ZBTB7C: variants seen among roughly 807,000 people sequenced by gnomAD.
ZBTB7C encodes the protein zinc finger and BTB domain containing 7C.
ZBTB7C carries 8 observed loss-of-function variants against 25.7 expected under a neutral mutation model. The ratio of observed to expected loss-of-function variants is 0.31; its 90% CI spans 0.18 to 0.56. ZBTB7C has a LOEUF of 0.56. ZBTB7C is among the 20% of genes least tolerant of loss of function. ZBTB7C has a pLI of 0.91. For missense variants in ZBTB7C, 824 were observed against 855.2 expected (o/e 0.96, Z 0.46); for synonymous variants, 394 against 369.0 (o/e 1.07, Z -0.78).
intron 3 of ZBTB7C, 45 bp from the exon 4 acceptor site, chr18:48,041,168 C>G: frequency 6.5e-7 from 1 of 1,529,382 alleles, no homozygotes; most frequent in East Asian, 2.3e-5. Context: ...TGAGCGTGGC[C>G]CCAGGAGGGG....
intron 2 of ZBTB7C, among the ~76,000 whole-genome samples, chr18:48,194,163 T>C (rs11082661): frequency 0.31 from 47,170 of 152,122 alleles, 7,531 homozygotes; most frequent in East Asian, 0.55. Flanking sequence ...AAAGGCTTCA[T>C]CTCCCTAGTC....
chr18:48,206,407 C>T (rs533833882), intron 2 of ZBTB7C, among the ~76,000 whole-genome samples: 75 of 152,308 alleles, frequency 4.9e-4, no homozygotes, highest in Non-Finnish European at 8.5e-4. Flanking sequence ...TGTTTCGCAG[C>T]ACTTTGGGAG....
chr18:48,067,234 G>A (rs1056815322), intron 3 of ZBTB7C, among the ~76,000 whole-genome samples: 5 of 152,196 alleles, frequency 3.3e-5, no homozygotes, highest in Admixed American at 2.6e-4. Flanking sequence ...TGAAGGAGCT[G>A]GATTTTACCT....
intron 2 of ZBTB7C, among the ~76,000 whole-genome samples, chr18:48,204,571 C>T (rs939264483): frequency 2.0e-5 from 3 of 152,178 alleles, no homozygotes; most frequent in South Asian, 2.1e-4. Context: ...CTGAGACATT[C>T]CTTCCCTTCA....
chr18:48,091,674 A>C (rs1037620265), intron 3 of ZBTB7C, among the ~76,000 whole-genome samples: 2 of 152,138 alleles, frequency 1.3e-5, no homozygotes, highest in African/African-American at 4.8e-5. Flanking sequence ...GCAGGTGAGG[A>C]GACAGCTTCG....
At chr18:48,110,056 AC>A (rs113623957) in intron 3 of ZBTB7C, among the ~76,000 whole-genome samples, 38,867 of 151,974 alleles carry the variant, frequency 0.26, 5,582 homozygotes, top group African/African-American at 0.39. Flanking sequence ...CAGGATCCTT[AC>A]ATTCAGCTCA....
intron 1 of ZBTB7C, among the ~76,000 whole-genome samples, chr18:48,353,473 G>A (rs1049031359): frequency 6.6e-6 from 1 of 152,150 alleles, no homozygotes; most frequent in African/African-American, 2.4e-5. Flanking sequence ...TCATGGCACT[G>A]TTTGGGGGAG....
At chr18:48,326,117 A>C (rs1319736162) in intron 2 of ZBTB7C, among the ~76,000 whole-genome samples, 1 of 107,580 alleles carries the variant, frequency 9.3e-6, no homozygotes, top group Non-Finnish European at 2.0e-5. Context: ...TTTTTTTGAG[A>C]TGGAGTCTTG....
intron 3 of ZBTB7C, among the ~76,000 whole-genome samples, chr18:48,045,547 C>T (rs527920870): frequency 3.9e-5 from 6 of 152,184 alleles, no homozygotes; most frequent in African/African-American, 1.4e-4. Flanking sequence ...TCCCTAAACA[C>T]ACACCCTGTT....
intron 2 of ZBTB7C, among the ~76,000 whole-genome samples, chr18:48,273,277 G>A (rs1199966926): frequency 6.6e-6 from 1 of 151,960 alleles, no homozygotes; most frequent in African/African-American, 2.4e-5. Context: ...AAAAATGCTG[G>A]AGAGACTTGC....
chr18:48,250,778 C>CTT (rs112162935), intron 2 of ZBTB7C, among the ~76,000 whole-genome samples: 10,449 of 145,268 alleles, frequency 0.072, 397 homozygotes, highest in South Asian at 0.15. Context: ...TTGAAACAAT[C>CTT]TTTTTTTTTT....
chr18:48,141,153 C>CCA (rs1555699064), intron 3 of ZBTB7C, among the ~76,000 whole-genome samples: 35 of 148,796 alleles, frequency 2.4e-4, no homozygotes, highest in African/African-American at 8.2e-4. Context: ...ACCACCCCCC[C>CCA]CACTGTTCCT....
chr18:48,386,566 C>T (rs1399296178), intron 1 of ZBTB7C, among the ~76,000 whole-genome samples: 3 of 152,192 alleles, frequency 2.0e-5, no homozygotes, highest in Non-Finnish European at 4.4e-5. Context: ...CTGGAAAATC[C>T]AGCCCATAGA....
intron 2 of ZBTB7C, among the ~76,000 whole-genome samples, chr18:48,324,456 A>AAATAAATGAGACATCTATTTACAACTGTG (rs2046170472): frequency 1.3e-5 from 2 of 152,238 alleles, no homozygotes; most frequent in South Asian, 4.1e-4. Flanking sequence ...TTACAACTGT[A>AAATAAATGAGACATCTATTTACAACTGTG]AATAAATGAG....
intron 3 of ZBTB7C, among the ~76,000 whole-genome samples, chr18:48,064,620 G>T (rs1030245058): frequency 6.6e-6 from 1 of 152,212 alleles, no homozygotes; most frequent in East Asian, 1.9e-4. Flanking sequence ...GCATGCACCT[G>T]CAGTCCCAGC....
intron 3 of ZBTB7C, among the ~76,000 whole-genome samples, chr18:48,069,677 A>G (rs2037470182): frequency 6.6e-6 from 1 of 151,698 alleles, no homozygotes; most frequent in Non-Finnish European, 1.5e-5. Context: ...CTATATCTAC[A>G]TAATCTTAGA....
At chr18:48,245,998 A>G (rs947959358) in intron 2 of ZBTB7C, among the ~76,000 whole-genome samples, 6 of 152,264 alleles carry the variant, frequency 3.9e-5, no homozygotes, top group African/African-American at 1.4e-4. Flanking sequence ...CATATAGCTC[A>G]GGTGTAACTG....
chr18:48,281,316 G>C (rs1215565165), intron 2 of ZBTB7C, among the ~76,000 whole-genome samples: 1 of 151,998 alleles, frequency 6.6e-6, no homozygotes, highest in East Asian at 1.9e-4. Flanking sequence ...AATTCAAGAT[G>C]GATTAAAGAC....
Position 48,029,332 on chromosome 18 carries a change from G to A in ZBTB7C, c.1788C>T (p.Ala596=). ...RPYFPLPDPW[A]AGLAGLPGLA... ...GCCCAGGGAGGCCGGCCAGGCCGGC[G>A]GCCCAAGGGTCGGGCAGCGGGAAGT... is the stretch of plus-strand genomic sequence containing the variant. The change falls in exon 5 of 5, where the codon GCC becomes GCT. Residue 596 remains alanine, a synonymous_variant. Coordinates refer to ENST00000590800, the MANE Select transcript of ZBTB7C (RefSeq NM_001318841.2). The A allele has an allele frequency of 6.5e-7, 1 of 1,541,450 alleles. No individual in the cohort carries two copies. Among genetic ancestry groups the A allele is most frequent in the Non-Finnish European group, 8.7e-7 (1 of 1,149,030 alleles).
Sources: allele counts gnomAD v4.1 joint callset (sites outside exome capture counted in the v4.1 genomes callset), GRCh38; gene constraint gnomAD v4.1.1; transcripts MANE v1.5; gene names NCBI Gene and HGNC (gene_info 2026-07-23, HGNC 2026-07-21).